Variants in PDHX observed in about 807,000 individuals in gnomAD.
The protein encoded by PDHX is pyruvate dehydrogenase protein X component, mitochondrial.
PDHX carries 33 observed loss-of-function variants against 55.3 expected under a neutral mutation model. The observed-to-expected ratio is 0.60, with a 90% CI of 0.45 to 0.80. The LOEUF (loss-of-function observed/expected upper bound fraction) is 0.80, where lower values mean the gene tolerates loss of function less well. Ranked by LOEUF, PDHX falls within the 30% of genes least tolerant of loss-of-function variation. PDHX has a pLI of 0.00. For missense variants in PDHX, 622 were observed against 619.9 expected (o/e 1.00, Z -0.04); for synonymous variants, 226 against 219.4 (o/e 1.03, Z -0.27).
intron 9 of PDHX, among the ~76,000 whole-genome samples, chr11:34,991,640 G>T (rs1855759615): frequency 6.6e-6 from 1 of 152,008 alleles, no homozygotes; most frequent in South Asian, 2.1e-4. Flanking sequence ...CAGGCATGGT[G>T]GCTCATACCT....
chr11:34,978,160 A>G lies in PDHX; in HGVS notation c.1001A>G (p.Lys334Arg), dbSNP rs1242515721. Residue 334 changes from lysine (K) to arginine (R), a missense_variant, in exon 8 of 11, where the codon AAG (lysine) becomes AGG (arginine). By Grantham distance (26) the Lys-to-Arg change is conservative (BLOSUM62 2). Transcript: ENST00000227868. ...IKVSVNDFIIKAAAVTLKQMP... is the reference protein window; with the variant it reads ...IKVSVNDFIIRAAAVTLKQMP... ...GTATCAGTAAATGATTTTATCATCA[A>G]GGCAGCAGCTGTTACCCTTAAAGTA... 1.3e-6 allele frequency: 2 copies of G among 1,577,154 alleles called. No individual in the cohort carries two copies. Among genetic ancestry groups the G allele is most frequent in the South Asian group, 2.2e-5 (2 of 90,112 alleles).
intron 2 of PDHX, among the ~76,000 whole-genome samples, chr11:34,940,749 TC>T (rs1854453777): frequency 6.6e-6 from 1 of 152,138 alleles, no homozygotes; most frequent in Non-Finnish European, 1.5e-5. Context: ...ACAATCCGGA[TC>T]TGTTTTTTGT....
upstream of PDHX, chr11:34,916,443 C>T (rs1389668980): frequency 1.4e-6 from 2 of 1,471,580 alleles, no homozygotes; most frequent in East Asian, 2.5e-5. Context: ...CTGGTAAGGC[C>T]CCGCCGGCTG....
At chr11:34,990,799 G>C (rs1055667104) in intron 9 of PDHX, among the ~76,000 whole-genome samples, 2 of 152,120 alleles carry the variant, frequency 1.3e-5, no homozygotes, top group African/African-American at 4.8e-5. Context: ...GTACGTTACA[G>C]TAATGTGTTT....
At chr11:34,941,293 C>T (rs990232950) in intron 2 of PDHX, among the ~76,000 whole-genome samples, 6 of 152,202 alleles carry the variant, frequency 3.9e-5, no homozygotes, top group African/African-American at 1.4e-4. Context: ...TCTACATTCC[C>T]ATTCTGCTGT....
chr11:34,959,176 C>CTA (rs1363093867), intron 4 of PDHX, among the ~76,000 whole-genome samples: 2 of 151,616 alleles, frequency 1.3e-5, no homozygotes, highest in East Asian at 1.9e-4. Flanking sequence ...CTGAGGTATC[C>CTA]TATATATATA....
At chr11:34,934,727 C>A (rs972751297) in intron 2 of PDHX, among the ~76,000 whole-genome samples, 1 of 151,282 alleles carries the variant, frequency 6.6e-6, no homozygotes, top group African/African-American at 2.4e-5. Context: ...CACAGGCATG[C>A]GCCACCATGC....
chr11:34,917,053 C>T (rs1056215886), intron 1 of PDHX, among the ~76,000 whole-genome samples: 1 of 152,152 alleles, frequency 6.6e-6, no homozygotes, highest in Admixed American at 6.5e-5. Context: ...GCTTTGTGAC[C>T]TTGCCTTGGA....
intron 5 of PDHX, among the ~76,000 whole-genome samples, chr11:34,964,056 TTG>T (rs780304738): frequency 6.6e-6 from 1 of 152,194 alleles, no homozygotes; most frequent in Non-Finnish European, 1.5e-5. Context: ...GTAGAGAAGG[TTG>T]TACCTGAGTT....
chr11:34,916,523 GGGGC>G (rs756201233), upstream of PDHX: 10 of 1,461,564 alleles, frequency 6.8e-6, no homozygotes, highest in Middle Eastern at 2.1e-4. Context: ...GCTGGGTTGG[GGGGC>G]GGGGGTTCAA....
Position 34,927,464 on chromosome 11 carries a change from T to C in PDHX, c.161-3940T>C, listed in dbSNP as rs573725492. Among the ~76,000 whole-genome samples the C allele has an allele frequency of 8.5e-5, 13 of 152,168 alleles. 1 individual carries two copies. The highest frequency in any genetic ancestry group is 7.8e-4 in the Admixed American group (12 of 15,290). ...AAATTAATTAATATTAGGTAAAGGA[T>C]AAAATTCCATTCCAAGGAGTCTAGA... On this transcript the variant is annotated intron_variant, in intron 1 of 10. Transcript: ENST00000227868.
At chr11:34,983,149 G>A (rs10734433) in intron 8 of PDHX, among the ~76,000 whole-genome samples, 140,963 of 152,286 alleles carry the variant, frequency 0.93, 65,490 homozygotes, top group African/African-American at 0.97. Flanking sequence ...AATCCCGCAT[G>A]TAAACAGAAC....
chr11:34,922,977 C>A (rs1326944), intron 1 of PDHX, among the ~76,000 whole-genome samples: 121,231 of 151,802 alleles, frequency 0.8, 48,588 homozygotes, highest in African/African-American at 0.83. Context: ...GTAAAGTGAA[C>A]TTCATGTAGA....
intron 7 of PDHX, among the ~76,000 whole-genome samples, chr11:34,971,444 T>A (rs1855256874): frequency 6.6e-6 from 1 of 152,170 alleles, no homozygotes; most frequent in Admixed American, 6.5e-5. Context: ...TTGTAGAATA[T>A]TATTTTCAGG....
chr11:34,960,146 A>T (rs1854992776), intron 4 of PDHX, among the ~76,000 whole-genome samples: 1 of 152,240 alleles, frequency 6.6e-6, no homozygotes, highest in Non-Finnish European at 1.5e-5. Context: ...CCCATGTGAA[A>T]GTAATTAGTT....
chr11:34,926,675 T>G (rs1854030399), intron 1 of PDHX, among the ~76,000 whole-genome samples: 2 of 152,100 alleles, frequency 1.3e-5, no homozygotes, highest in Admixed American at 6.5e-5. Flanking sequence ...ATTAAATTTT[T>G]TTTTTAATCT....
rs1343105933 is a variant in PDHX at position 34,970,134 on chromosome 11, T to A, written c.817-5T>A. 4.3e-6 allele frequency: 7 copies of A among 1,613,448 alleles called. No homozygotes were observed. The highest frequency in any genetic ancestry group is 5.1e-6 in the Non-Finnish European group (6 of 1,179,546). The stretch of plus-strand genomic sequence containing the variant: ...TTTAACGGACAGGTTGCTGTCTTTT[T>A]GCAGGGCACATTCACTGAAATCCCC... On this transcript the variant is annotated splice_region_variant and splice_polypyrimidine_tract_variant and intron_variant, in intron 6 of 10. Coordinates refer to ENST00000227868, the MANE Select transcript of PDHX (RefSeq NM_003477.3).
intron 7 of PDHX, among the ~76,000 whole-genome samples, chr11:34,977,249 T>C (rs1331426408): frequency 6.6e-6 from 1 of 152,148 alleles, no homozygotes; most frequent in Admixed American, 6.6e-5. Context: ...ACTGACTAGA[T>C]CTAGATCTTA....
In PDHX at chr11:34,995,235, A is replaced by G; in HGVS notation, c.*63A>G. On this transcript the variant is annotated 3_prime_UTR_variant, in exon 11 of 11. Coordinates refer to ENST00000227868, the MANE Select transcript of PDHX (RefSeq NM_003477.3). Reference sequence around the variant, plus strand: ...TTCAGTAGTTGTTACCAAGAAACATATGTTATAGGAAAACAACTTGGTATT... The same window carrying G: ...TTCAGTAGTTGTTACCAAGAAACATGTGTTATAGGAAAACAACTTGGTATT... 1.3e-6 allele frequency: 2 copies of G among 1,556,144 alleles called. No homozygotes were observed. Among genetic ancestry groups the G allele is most frequent in the East Asian group, 2.2e-5 (1 of 44,554 alleles).
Sources: allele counts gnomAD v4.1 joint callset (sites outside exome capture counted in the v4.1 genomes callset), GRCh38; gene constraint gnomAD v4.1.1; transcripts MANE v1.5; gene names NCBI Gene and HGNC (gene_info 2026-07-23, HGNC 2026-07-21).